Variants in GRK7 observed in about 807,000 individuals in gnomAD.
GRK7 encodes G protein-coupled receptor kinase 7, also known as rhodopsin kinase GRK7.
In GRK7, 24 loss-of-function variants were observed where a neutral mutation model predicts 34.1. That is an observed-to-expected ratio of 0.70 (90% CI 0.51 to 0.99). GRK7 has a LOEUF of 0.99. Ranked by LOEUF, GRK7 falls within the 50% of genes least tolerant of loss-of-function variation. GRK7 has a pLI of 0.00. For synonymous variants in GRK7, 256 were observed against 279.4 expected (o/e 0.92, Z 0.84); for missense variants, 644 against 707.3 (o/e 0.91, Z 1.02).
At chr3:141,763,035 C>T (rs1270094688), upstream of GRK7, among the ~76,000 whole-genome samples, 4 of 152,252 alleles carry the variant, frequency 2.6e-5, no homozygotes, top group African/African-American at 9.6e-5. Context: ...CTGGCACTCC[C>T]TAGTGAGATG....
At chr3:141,808,605 C>T (rs543027365) in intron 5 of GRK7, among the ~76,000 whole-genome samples, 5 of 151,994 alleles carry the variant, frequency 3.3e-5, no homozygotes, top group African/African-American at 1.2e-4. Flanking sequence ...CCCAACTACT[C>T]GGGAGGCTAA....
intron 4 of GRK7, among the ~76,000 whole-genome samples, 182 bp downstream of exon 4, chr3:141,780,993 A>C (rs2084670010): frequency 6.6e-6 from 1 of 152,084 alleles, no homozygotes; most frequent in Non-Finnish European, 1.5e-5. Flanking sequence ...TTCATTGGCT[A>C]TTTGAGGGCT....
chr3:141,798,127 G>T (rs1479664373), intron 4 of GRK7, among the ~76,000 whole-genome samples: 1 of 152,190 alleles, frequency 6.6e-6, no homozygotes, highest in African/African-American at 2.4e-5. Context: ...AACAATGTAG[G>T]GGGTATCTGG....
chr3:141,813,945 G>A (rs930376969), intron 5 of GRK7, among the ~76,000 whole-genome samples: 1 of 152,140 alleles, frequency 6.6e-6, no homozygotes, highest in Non-Finnish European at 1.5e-5. Flanking sequence ...ACTGACAGTA[G>A]GCCCTGAATA....
At position 141,784,182 on chromosome 3, in the gene GRK7, C is replaced by T. The variant is rs559388603; in HGVS notation, c.1050+3371C>T. 3.1e-3 allele frequency among the ~76,000 whole-genome samples: 477 copies of T among 152,286 alleles called. 1 individual carries two copies. The highest frequency in any genetic ancestry group is 5.2e-3 in the Non-Finnish European group (353 of 68,016). Reference sequence around the variant, plus strand: ...TGGCCATTTGGAAGGACAGCTCCTTCCTTGGCTCCCGGGTGCAGCTCTCTG... The same window carrying T: ...TGGCCATTTGGAAGGACAGCTCCTTTCTTGGCTCCCGGGTGCAGCTCTCTG... On this transcript the variant is annotated intron_variant, in intron 4 of 5. Transcript: ENST00000682958.
Position 141,817,123 on chromosome 3 carries a change from C to A in GRK7, c.*73C>A. ...CCTCGAATGTTCCACACGTGGAAATCTGTGGAATGAGGGCTAATCAGTTAG... is the reference window on the plus strand; with the variant it reads ...CCTCGAATGTTCCACACGTGGAAATATGTGGAATGAGGGCTAATCAGTTAG... On this transcript the variant is annotated 3_prime_UTR_variant, in exon 6 of 6. Transcript: ENST00000682958. The A allele has an allele frequency of 8.3e-7, 1 of 1,206,422 alleles. No homozygotes were observed. The highest frequency in any genetic ancestry group is 1.2e-6 in the Non-Finnish European group (1 of 861,610). The allele number at this position is 1,206,422 out of a possible 1,614,324, so 74.7% of individuals were successfully genotyped here. A position where few individuals can be genotyped will look rare whatever the true frequency, so the allele number is the denominator to read the frequency against.
chr3:141,753,270 A>T, the GRK7 span, among the ~76,000 whole-genome samples: 1 of 152,184 alleles, frequency 6.6e-6, no homozygotes, highest in Non-Finnish European at 1.5e-5. Context: ...AACAAACTTC[A>T]TTTATAGAGA....
At chr3:141,789,663 A>AAAAAAAAAAAAAAAAAAAAAAAAAAAAAC (rs796539386) in intron 4 of GRK7, among the ~76,000 whole-genome samples, 5 of 146,864 alleles carry the variant, frequency 3.4e-5, no homozygotes, top group African/African-American at 7.7e-5. Context: ...GGGCAAAAAA[A>AAAAAAAAAAAAAAAAAAAAAAAAAAAAAC]AAAAAAACAC....
At chr3:141,788,628 C>A (rs891529164) in intron 4 of GRK7, among the ~76,000 whole-genome samples, 1 of 152,108 alleles carries the variant, frequency 6.6e-6, no homozygotes, top group African/African-American at 2.4e-5. Context: ...TGGAAAGGAG[C>A]AGGTCTGCCC....
intron 5 of GRK7, among the ~76,000 whole-genome samples, chr3:141,816,395 CA>C (rs2107898777): frequency 6.6e-6 from 1 of 152,240 alleles, no homozygotes; most frequent in Admixed American, 6.5e-5. Context: ...TGCAGGCAAG[CA>C]GGTGTGTTTC....
upstream of GRK7, among the ~76,000 whole-genome samples, chr3:141,759,512 G>C (rs1376762410): frequency 6.9e-6 from 1 of 144,014 alleles, no homozygotes; most frequent in Non-Finnish European, 1.5e-5. Flanking sequence ...AAGCCCACTT[G>C]ATCATGGTGG....
At chr3:141,812,072 C>A (rs1471470065) in intron 5 of GRK7, among the ~76,000 whole-genome samples, 1 of 152,240 alleles carries the variant, frequency 6.6e-6, no homozygotes, top group African/African-American at 2.4e-5. Context: ...GCTTCTCCAA[C>A]AAACAATTTC....
chr3:141,793,044 A>G (rs1312921635), intron 4 of GRK7, among the ~76,000 whole-genome samples: 5 of 152,206 alleles, frequency 3.3e-5, no homozygotes, highest in Non-Finnish European at 7.3e-5. Context: ...ATGGGGACAG[A>G]AGCTTCTGAA....
At chr3:141,806,256 T>C (rs901990624) in intron 4 of GRK7, among the ~76,000 whole-genome samples, 2 of 152,170 alleles carry the variant, frequency 1.3e-5, no homozygotes, top group Non-Finnish European at 2.9e-5. Flanking sequence ...CTCTCTGTCA[T>C]ATCGCTCTCT....
At chr3:141,772,269 A>G (rs1407556249) in intron 1 of GRK7, among the ~76,000 whole-genome samples, 1 of 151,638 alleles carries the variant, frequency 6.6e-6, no homozygotes, top group Non-Finnish European at 1.5e-5. Context: ...TAATTTTTGT[A>G]TTTTTAGTAG....
intron 4 of GRK7, among the ~76,000 whole-genome samples, chr3:141,806,689 A>G (rs1173580295): frequency 6.6e-6 from 1 of 152,088 alleles, no homozygotes; most frequent in Non-Finnish European, 1.5e-5. Context: ...AGAGCAGTCA[A>G]ATTCATAGAG....
intron 4 of GRK7, among the ~76,000 whole-genome samples, chr3:141,804,929 TCACA>T (rs756496873): frequency 2.0e-5 from 3 of 148,790 alleles, no homozygotes; most frequent in African/African-American, 7.5e-5. Context: ...ACATGCATAC[TCACA>T]CATACACTCA....
chr3:141,750,350 G>T, the GRK7 span, among the ~76,000 whole-genome samples: 1 of 152,208 alleles, frequency 6.6e-6, no homozygotes, highest in Non-Finnish European at 1.5e-5. Context: ...GGTGAGTGTA[G>T]CTGCAGTATA....
chr3:141,818,076 T>A lies in GRK7; in HGVS notation c.*1026T>A, dbSNP rs184338747. ...GCAGTATAAATGAAACAAGACAGTC[T>A]ATTCATCTTATGGCTTCTCTTGTCC... On this transcript the variant is annotated 3_prime_UTR_variant, in exon 6 of 6. Coordinates refer to ENST00000682958, the MANE Select transcript of GRK7 (RefSeq NM_139209.3). 2.0e-5 allele frequency: 3 copies of A among 152,354 alleles called. No homozygotes were observed. Among genetic ancestry groups the A allele is most frequent in the Admixed American group, 2.0e-4 (3 of 15,292 alleles). 9.4% of individuals were successfully genotyped at this position (152,354 alleles called of 1,614,324 possible).
Sources: gnomAD v4.1 joint callset for allele counts (sites outside exome capture counted in the v4.1 genomes callset) on GRCh38, gnomAD v4.1.1 for gene constraint, MANE v1.5 for transcripts, NCBI Gene and HGNC (gene_info 2026-07-23, HGNC 2026-07-21) for gene names.